Variants in MARCHF10 observed in about 807,000 individuals in gnomAD.
MARCHF10 encodes the protein membrane associated ring-CH-type finger 10.
MARCHF10 carries 64 observed loss-of-function variants against 76.2 expected under a neutral mutation model. That is an observed-to-expected ratio of 0.84 (90% confidence interval 0.69 to 1.03). MARCHF10 has a LOEUF of 1.03. Ranked by LOEUF, MARCHF10 falls within the 50% of genes least tolerant of loss-of-function variation. The pLI is 0.00. For missense variants in MARCHF10, 875 were observed against 958.0 expected (o/e 0.91, Z 1.14); for synonymous variants, 340 against 357.5 (o/e 0.95, Z 0.55).
intron 3 of MARCHF10, chr17:62,780,992 G>T (rs2092648678): frequency 6.6e-6 from 1 of 152,142 alleles, no homozygotes; most frequent in South Asian, 2.1e-4. Flanking sequence ...CAGCGGTCTC[G>T]CCGGTGCCTG....
At chr17:62,731,222 G>A (rs1347540120) in intron 6 of MARCHF10, among the ~76,000 whole-genome samples, 1 of 152,090 alleles carries the variant, frequency 6.6e-6, no homozygotes. Context: ...TAAATAAAAT[G>A]GGAAAAGTAA....
At chr17:62,742,704 CTTTTTTTT>C (rs1236454033) in intron 5 of MARCHF10, among the ~76,000 whole-genome samples, 1 of 36,974 alleles carries the variant, frequency 2.7e-5, no homozygotes, top group African/African-American at 5.3e-5. Context: ...TTTCTTTTTT[CTTTTTTTT>C]TTTTGAGAAA....
intron 4 of MARCHF10, among the ~76,000 whole-genome samples, chr17:62,748,049 AG>A (rs1487492602): frequency 6.6e-6 from 1 of 152,172 alleles, no homozygotes; most frequent in African/African-American, 2.4e-5. Context: ...TCTGTCTGTA[AG>A]TGCAGTCACA....
In MARCHF10 at chr17:62,736,821, G is replaced by A; in HGVS notation, c.1047C>T (p.Pro349=). 2.5e-6 allele frequency: 4 copies of A among 1,614,014 alleles called. No homozygotes were observed. The highest frequency in any genetic ancestry group is 3.4e-6 in the Non-Finnish European group (4 of 1,179,964). ...CRGHSSRRSE[P]SHGSLRISNA... ...TGCTTATTCTCAATGAGCCATGACT[G>A]GGCTCACTTCTTCTTGAAGAATGAC... Residue 349 remains proline (P), a synonymous_variant, in exon 6 of 11, where the codon CCC becomes CCT. Transcript: ENST00000311269.
intron 8 of MARCHF10, among the ~76,000 whole-genome samples, chr17:62,716,589 T>C (rs2090211046): frequency 6.6e-6 from 1 of 152,104 alleles, no homozygotes; most frequent in Admixed American, 6.5e-5. Flanking sequence ...TGTATCACCA[T>C]TTTAATAGAA....
At position 62,706,853 on chromosome 17, in the gene MARCHF10, C is replaced by T. The variant is rs1318478986; in HGVS notation, c.2329-1272G>A. The stretch of plus-strand genomic sequence containing the variant: ...GGATGGGGGACCAGGCCCTGACAAA[C>T]GGAGTGCTCCGTGTGGGGGCTGAAA... On this transcript the variant is annotated intron_variant, in intron 9 of 10. Coordinates refer to ENST00000311269, the MANE Select transcript of MARCHF10 (RefSeq NM_152598.4). Among the ~76,000 whole-genome samples the T allele has an allele frequency of 4.6e-5, 7 of 152,194 alleles. No individual in the cohort carries two copies. In the East Asian group the frequency reaches 9.6e-4, roughly 21 times the overall value.
intron 10 of MARCHF10, among the ~76,000 whole-genome samples, chr17:62,704,262 C>A (rs2089436500): frequency 6.6e-6 from 1 of 151,842 alleles, no homozygotes; most frequent in Non-Finnish European, 1.5e-5. Context: ...GTGCGGCGTG[C>A]GCCCGCGACA....
At position 62,731,813 on chromosome 17, in the gene MARCHF10, T is replaced by TAA. The variant is rs546623706; in HGVS notation, c.1937+4117_1937+4118insTT. On this transcript the variant is annotated intron_variant, in intron 6 of 10. Coordinates refer to ENST00000311269, the MANE Select transcript of MARCHF10 (RefSeq NM_152598.4). ...TAAAAGGAGACCGATCAAATCATAA[T>TAA]AGACACATTTAATATAAGCAGCCCT... Among the ~76,000 whole-genome samples the TAA allele has an allele frequency of 3.1e-3, 470 of 152,292 alleles. 4 individuals are homozygous for TAA. The highest frequency in any genetic ancestry group is 0.01 in the African/African-American group (417 of 41,562).
chr17:62,747,467 T>C (rs981245275), intron 4 of MARCHF10, among the ~76,000 whole-genome samples: 5 of 152,166 alleles, frequency 3.3e-5, no homozygotes, highest in African/African-American at 1.2e-4. Flanking sequence ...AGTGAAGAAA[T>C]CGCTGCTATT....
intron 3 of MARCHF10, among the ~76,000 whole-genome samples, chr17:62,769,532 A>G (rs759861279): frequency 6.6e-6 from 1 of 152,042 alleles, no homozygotes; most frequent in Non-Finnish European, 1.5e-5. Context: ...TTGTGCCTCA[A>G]TCTTCTGAGT....
chr17:62,739,213 C>T (rs1318476094), intron 5 of MARCHF10, among the ~76,000 whole-genome samples: 2 of 152,100 alleles, frequency 1.3e-5, no homozygotes, highest in African/African-American at 2.4e-5. Flanking sequence ...GCAGGAGAAT[C>T]GCTTGAACCC....
At chr17:62,713,354 C>A (rs759984028) in intron 8 of MARCHF10, among the ~76,000 whole-genome samples, 1 of 152,170 alleles carries the variant, frequency 6.6e-6, no homozygotes, top group Non-Finnish European at 1.5e-5. Flanking sequence ...TCAGGAAAAT[C>A]ATTTACTTTT....
At chr17:62,774,626 A>C (rs1469458952) in intron 3 of MARCHF10, among the ~76,000 whole-genome samples, 2 of 152,088 alleles carry the variant, frequency 1.3e-5, no homozygotes, top group Non-Finnish European at 2.9e-5. Context: ...TGCACTGCTC[A>C]CCGTTTCCCA....
At chr17:62,762,043 C>T (rs921501363) in intron 3 of MARCHF10, among the ~76,000 whole-genome samples, 1 of 151,884 alleles carries the variant, frequency 6.6e-6, no homozygotes, top group South Asian at 2.1e-4. Flanking sequence ...GCAGCAGTAG[C>T]AGCAGCAGCA....
At chr17:62,722,198 G>A (rs997713447) in intron 8 of MARCHF10, among the ~76,000 whole-genome samples, 41 of 148,868 alleles carry the variant, frequency 2.8e-4, no homozygotes, top group Non-Finnish European at 4.9e-4. Flanking sequence ...TGGGAGGATC[G>A]CTTGAACCTG....
chr17:62,736,729 G>A lies in MARCHF10; in HGVS notation c.1139C>T (p.Pro380Leu). ...CTTCTCTGTAGCAGATTCCCTATCA[G>A]GCAGCCCGGGGTCTTGGGACAACCT... ...GQRLSQDPGL[P>L]DRESATEKDR... Residue 380 changes from proline (P) to leucine (L), a missense_variant, in exon 6 of 11, where the codon CCT (proline) becomes CTT (leucine). By Grantham distance (98) the Pro-to-Leu change is moderately conservative (BLOSUM62 -3). Transcript: ENST00000311269. 6.2e-7 allele frequency: 1 copy of A among 1,614,104 alleles called. No homozygotes were observed. Among genetic ancestry groups the A allele is most frequent in the South Asian group, 1.1e-5 (1 of 91,080 alleles).
intron 5 of MARCHF10, among the ~76,000 whole-genome samples, chr17:62,742,656 C>T (rs1447431864): frequency 2.6e-5 from 4 of 151,300 alleles, no homozygotes; most frequent in African/African-American, 4.9e-5. Flanking sequence ...CACATGGAGA[C>T]GCTTACCTTT....
At position 62,795,394 on chromosome 17, in the gene MARCHF10, C is replaced by A. The variant is rs949989711; in HGVS notation, c.90+6252G>T. Among the ~76,000 whole-genome samples, 8 of 135,484 alleles carry A rather than the reference C, an allele frequency of 5.9e-5. No individual in the cohort carries two copies. In the East Asian group the frequency reaches 1.5e-3, roughly 25 times the overall value. The allele number at this position is 135,484 out of a possible 152,430, so 88.9% of individuals were successfully genotyped here. A position where few individuals can be genotyped will look rare whatever the true frequency, so the allele number is the denominator to read the frequency against. The stretch of plus-strand genomic sequence containing the variant: ...AAAAAAAAAAAAAAAAGAAGCTAGG[C>A]AGCATGAAAATCCTTGAAGCAATAA... On this transcript the variant is annotated intron_variant, in intron 2 of 10. Transcript: ENST00000311269.
In MARCHF10 at chr17:62,789,755, T is replaced by G. The variant is rs376151063; in HGVS notation, c.91-1156A>C. Among the ~76,000 whole-genome samples, 32 of 152,208 alleles carry G rather than the reference T, an allele frequency of 2.1e-4. No homozygotes were observed. In the East Asian group the frequency reaches 5.6e-3, roughly 27 times the overall value. On this transcript the variant is annotated intron_variant, in intron 2 of 10. Coordinates refer to ENST00000311269, the MANE Select transcript of MARCHF10 (RefSeq NM_152598.4). ...GAGTTCGAGACCAACCTGGCCAACA[T>G]AGTGAAACCCTGTTTCTACTAAAAA... is the stretch of plus-strand genomic sequence containing the variant.
Sources: allele counts gnomAD v4.1 joint callset (sites outside exome capture counted in the v4.1 genomes callset), GRCh38; gene constraint gnomAD v4.1.1; transcripts MANE v1.5; gene names NCBI Gene and HGNC (gene_info 2026-07-23, HGNC 2026-07-21).